DGKB: variants seen among roughly 807,000 people sequenced by gnomAD.
The protein encoded by DGKB is diacylglycerol kinase beta.
A neutral mutation model predicts 114.3 loss-of-function variants in DGKB; 67 were observed. The ratio of observed to expected loss-of-function variants is 0.59; its 90% CI spans 0.48 to 0.72. The LOEUF (loss-of-function observed/expected upper bound fraction) is 0.72, where lower values mean the gene tolerates loss of function less well. Among genes scored for constraint, DGKB ranks in the 30% least tolerant of loss-of-function variants. The probability of loss-of-function intolerance (pLI) is 0.00; values close to 1 mark genes in which losing one functional copy is unlikely to be tolerated. For synonymous variants in DGKB, 398 were observed against 323.1 expected (o/e 1.23, Z -2.49); for missense variants, 907 against 975.2 (o/e 0.93, Z 0.93).
intron 21 of DGKB, among the ~76,000 whole-genome samples, chr7:14,475,504 G>A (rs1272573198): frequency 2.0e-5 from 3 of 152,166 alleles, no homozygotes; most frequent in East Asian, 3.9e-4. Flanking sequence ...GGTAATATAT[G>A]GAATTCTGTG....
intron 21 of DGKB, among the ~76,000 whole-genome samples, chr7:14,381,969 C>T (rs1029513295): frequency 1.3e-5 from 2 of 152,176 alleles, no homozygotes; most frequent in African/African-American, 4.8e-5. Context: ...ATAGTAAAAT[C>T]TTTTGTTTTG....
chr7:14,333,615 T>TAA (rs1259620994), intron 23 of DGKB, among the ~76,000 whole-genome samples: 1 of 152,144 alleles, frequency 6.6e-6, no homozygotes, highest in Non-Finnish European at 1.5e-5. Flanking sequence ...CATATATATA[T>TAA]AATCAAATAG....
intron 21 of DGKB, among the ~76,000 whole-genome samples, chr7:14,473,287 A>C (rs2128894130): frequency 6.6e-6 from 1 of 152,344 alleles, no homozygotes; most frequent in South Asian, 2.1e-4. Flanking sequence ...CATAGAGCTC[A>C]AACCATAGCT....
At chr7:14,617,397 A>C (rs940528851) in intron 15 of DGKB, among the ~76,000 whole-genome samples, 1 of 151,630 alleles carries the variant, frequency 6.6e-6, no homozygotes, top group African/African-American at 2.4e-5. Context: ...ATTCATCAGC[A>C]TATCTTTTGC....
At chr7:14,930,450 A>C (rs1457867291) in intron 1 of DGKB, among the ~76,000 whole-genome samples, 1 of 151,912 alleles carries the variant, frequency 6.6e-6, no homozygotes, top group Non-Finnish European at 1.5e-5. Context: ...TATATTCCTA[A>C]GTATTTAGTT....
At chr7:14,539,663 T>C (rs1793095261) in intron 20 of DGKB, among the ~76,000 whole-genome samples, 1 of 152,146 alleles carries the variant, frequency 6.6e-6, no homozygotes, top group South Asian at 2.1e-4. Context: ...AACTCAGTAA[T>C]GAAAAGCACA....
In DGKB at chr7:14,478,181, G is replaced by A; in HGVS notation, c.1815C>T (p.His605=). ...CTTACCTACTGTTGAATTTCTCTGG[G>A]TGTTTTTCTCTCATGATGTGGAATC... ...AHRFHIMREK[H]PEKFNSRMKN... The change falls in exon 21 of 26, where the codon CAC becomes CAT. Residue 605 remains histidine (H), a synonymous_variant. Coordinates refer to ENST00000402815, the MANE Select transcript of DGKB (RefSeq NM_001350709.2). 3 of 1,602,660 alleles carry A rather than the reference G, an allele frequency of 1.9e-6. No individual in the cohort carries two copies. Among genetic ancestry groups the A allele is most frequent in the Non-Finnish European group, 2.6e-6 (3 of 1,173,254 alleles).
chr7:14,854,533 G>A (rs1849847417), intron 1 of DGKB, among the ~76,000 whole-genome samples: 1 of 152,142 alleles, frequency 6.6e-6, no homozygotes, highest in African/African-American at 2.4e-5. Flanking sequence ...CTCATAAGGA[G>A]TACATAACCT....
Position 14,222,635 on chromosome 7 carries a change from G to C in DGKB, c.2123-44484C>G, listed in dbSNP as rs115280382. 1.7e-3 allele frequency among the ~76,000 whole-genome samples: 255 copies of C among 151,500 alleles called. 2 individuals are homozygous for C. Among genetic ancestry groups the C allele is most frequent in the African/African-American group, 5.9e-3 (246 of 41,474 alleles). ...TGGAGTTTTATATAAATGTTATATA[G>C]ATATTTATTATATTGGTGTTTGTAC... On this transcript the variant is annotated intron_variant, in intron 23 of 25. Transcript: ENST00000402815.
chr7:14,319,630 T>C (rs536382161), intron 23 of DGKB, among the ~76,000 whole-genome samples: 4 of 152,282 alleles, frequency 2.6e-5, no homozygotes, highest in Admixed American at 2.0e-4. Flanking sequence ...AGAACCAGTG[T>C]ACTCTTTGGC....
chr7:14,166,621 C>A (rs1334449461), intron 25 of DGKB, among the ~76,000 whole-genome samples: 3 of 152,062 alleles, frequency 2.0e-5, no homozygotes, highest in African/African-American at 7.2e-5. Flanking sequence ...ACTGAATGCA[C>A]TATAAACCCT....
intron 20 of DGKB, among the ~76,000 whole-genome samples, chr7:14,558,294 ATTC>A (rs1257886229): frequency 6.6e-6 from 1 of 151,870 alleles, no homozygotes; most frequent in Non-Finnish European, 1.5e-5. Flanking sequence ...TAAATATTAA[ATTC>A]TTTTTTTGTT....
chr7:14,454,079 G>A (rs946390159), intron 21 of DGKB, among the ~76,000 whole-genome samples: 2 of 152,118 alleles, frequency 1.3e-5, no homozygotes, highest in Non-Finnish European at 2.9e-5. Flanking sequence ...TATATAATGT[G>A]TAATGATCAA....
intron 17 of DGKB, among the ~76,000 whole-genome samples, chr7:14,603,289 T>A (rs1355466461): frequency 2.0e-5 from 3 of 152,026 alleles, no homozygotes; most frequent in African/African-American, 4.8e-5. Context: ...AAGGATAGAG[T>A]TGAGTGCTTC....
chr7:14,893,593 T>C (rs1229035483), intron 1 of DGKB, among the ~76,000 whole-genome samples: 2 of 151,364 alleles, frequency 1.3e-5, no homozygotes, highest in Non-Finnish European at 3.0e-5. Flanking sequence ...TCTTTCCTAG[T>C]TCGTTGCCGT....
chr7:14,827,195 C>T (rs1369396023), intron 2 of DGKB, among the ~76,000 whole-genome samples: 1 of 152,092 alleles, frequency 6.6e-6, no homozygotes, highest in African/African-American at 2.4e-5. Flanking sequence ...CTCATATTAT[C>T]ATATTATTTG....
At chr7:14,656,393 G>GT (rs1484542662) in intron 13 of DGKB, among the ~76,000 whole-genome samples, 1 of 149,918 alleles carries the variant, frequency 6.7e-6, no homozygotes, top group Non-Finnish European at 1.5e-5. Context: ...TTTAAATTTT[G>GT]GTTTTTTTTT....
chr7:14,326,758 T>C (rs1269636151), intron 23 of DGKB, among the ~76,000 whole-genome samples: 1 of 152,122 alleles, frequency 6.6e-6, no homozygotes, highest in Non-Finnish European at 1.5e-5. Context: ...GCCTTCCTCT[T>C]GAAGTAATAC....
At chr7:14,198,846 TA>T (rs369590669) in intron 23 of DGKB, among the ~76,000 whole-genome samples, 24 of 151,974 alleles carry the variant, frequency 1.6e-4, no homozygotes, top group African/African-American at 3.9e-4. Flanking sequence ...TGAGGAGGGA[TA>T]GGGGGAACCT....
Sources: gnomAD v4.1 joint callset for allele counts (sites outside exome capture counted in the v4.1 genomes callset) on GRCh38, gnomAD v4.1.1 for gene constraint, MANE v1.5 for transcripts, NCBI Gene and HGNC (gene_info 2026-07-23, HGNC 2026-07-21) for gene names.